SLC9A9: variants seen among roughly 807,000 people sequenced by gnomAD.
SLC9A9 encodes sodium/hydrogen exchanger 9.
In SLC9A9, 62 loss-of-function variants were observed where a neutral mutation model predicts 77.8. That is an observed-to-expected ratio of 0.80 (90% CI 0.65 to 0.98). The LOEUF (loss-of-function observed/expected upper bound fraction) is 0.98, where lower values mean the gene tolerates loss of function less well. Among genes scored for constraint, SLC9A9 ranks in the 50% least tolerant of loss-of-function variants. The probability of loss-of-function intolerance (pLI) is 0.00; values close to 1 mark genes in which losing one functional copy is unlikely to be tolerated. For synonymous variants in SLC9A9, 320 were observed against 283.5 expected (o/e 1.13, Z -1.29); for missense variants, 775 against 774.9 (o/e 1.00, Z 0.00).
chr3:143,846,529 C>G (rs989666922), intron 1 of SLC9A9, among the ~76,000 whole-genome samples: 3 of 150,410 alleles, frequency 2.0e-5, no homozygotes, highest in African/African-American at 7.3e-5. Context: ...TTTTTTTTCT[C>G]TTAAATGAGA....
intron 4 of SLC9A9, among the ~76,000 whole-genome samples, chr3:143,758,589 G>GAAGACTTGAAGCT: frequency 6.6e-6 from 1 of 152,234 alleles, no homozygotes; most frequent in Admixed American, 6.5e-5. Flanking sequence ...CCAAGGTGGG[G>GAAGACTTGAAGCT]GTAGTGGTGT....
At chr3:143,833,214 T>A (rs1437153903) in intron 1 of SLC9A9, among the ~76,000 whole-genome samples, 5 of 152,162 alleles carry the variant, frequency 3.3e-5, no homozygotes, top group African/African-American at 9.7e-5. Context: ...AACTTCTAAT[T>A]TTGGAGATTT....
Position 143,582,376 on chromosome 3 carries a change from G to A in SLC9A9, c.756-3653C>T, listed in dbSNP as rs77657269. 9.7e-3 allele frequency among the ~76,000 whole-genome samples: 1,474 copies of A among 152,248 alleles called. 19 individuals are homozygous for A. Among genetic ancestry groups the A allele is most frequent in the African/African-American group, 0.033 (1,356 of 41,532 alleles). ...TTAGATATATCTTGTGGATTAAGTC[G>A]TTCCTTGAGTACTTATATGTACACT... On this transcript the variant is annotated intron_variant, in intron 6 of 15. Coordinates refer to ENST00000316549, the MANE Select transcript of SLC9A9 (RefSeq NM_173653.4).
intron 9 of SLC9A9, among the ~76,000 whole-genome samples, chr3:143,530,135 A>T (rs958516460): frequency 1.3e-5 from 2 of 152,236 alleles, no homozygotes; most frequent in Non-Finnish European, 2.9e-5. Context: ...GCTGTGGCTA[A>T]CAAGTGGCTA....
intron 9 of SLC9A9, among the ~76,000 whole-genome samples, chr3:143,507,271 G>A (rs1052404165): frequency 5.9e-5 from 9 of 151,886 alleles, no homozygotes; most frequent in South Asian, 4.2e-4. Context: ...GCAGTGGCGC[G>A]ATCTCTGCTC....
chr3:143,656,415 G>C (rs190112357), intron 5 of SLC9A9, among the ~76,000 whole-genome samples: 1 of 151,916 alleles, frequency 6.6e-6, no homozygotes, highest in Non-Finnish European at 1.5e-5. Flanking sequence ...ATCTCAATGT[G>C]TTTACTCTTA....
At chr3:143,575,931 A>G (rs2037350578) in intron 7 of SLC9A9, among the ~76,000 whole-genome samples, 1 of 152,076 alleles carries the variant, frequency 6.6e-6, no homozygotes, top group African/African-American at 2.4e-5. Context: ...AAGACCACCA[A>G]ATACTGCACG....
In SLC9A9 at chr3:143,529,938, C is replaced by T. The variant is rs77191709; in HGVS notation, c.1089+22424G>A. ...AGAAGCCACTCCTATGACTCTAGGA[C>T]GGAAGAATGAGAATGAGGAAACTGG... On this transcript the variant is annotated intron_variant, in intron 9 of 15. Coordinates refer to ENST00000316549, the MANE Select transcript of SLC9A9 (RefSeq NM_173653.4). Among the ~76,000 whole-genome samples the T allele has an allele frequency of 3.6e-3, 554 of 152,148 alleles. 4 individuals carry two copies. The highest frequency in any genetic ancestry group is 9.5e-3 in the African/African-American group (395 of 41,506).
chr3:143,585,556 C>G (rs985909586), intron 6 of SLC9A9, among the ~76,000 whole-genome samples: 4 of 152,206 alleles, frequency 2.6e-5, no homozygotes, highest in Non-Finnish European at 5.9e-5. Flanking sequence ...CCACTGTGGG[C>G]ACATGTCATT....
intron 14 of SLC9A9, among the ~76,000 whole-genome samples, chr3:143,332,524 A>C (rs1444372154): frequency 1.3e-5 from 2 of 152,230 alleles, no homozygotes; most frequent in East Asian, 3.8e-4. Context: ...GAAACTGTTT[A>C]ATAGTTCAAG....
At chr3:143,560,906 C>T (rs543220205) in intron 8 of SLC9A9, among the ~76,000 whole-genome samples, 8 of 152,312 alleles carry the variant, frequency 5.3e-5, no homozygotes, top group African/African-American at 1.7e-4. Flanking sequence ...TGAGGCCAAA[C>T]GCGGTGGCTC....
rs552425129 is a variant in SLC9A9 at position 143,651,538 on chromosome 3, T to C, written c.755+717A>G. On this transcript the variant is annotated intron_variant, in intron 6 of 15. Transcript: ENST00000316549. Reference sequence around the variant, plus strand: ...ACATTGAATTATCAGATATTGACTTTCCTTTGGGATATCTGACAGTTGCCC... The same window carrying C: ...ACATTGAATTATCAGATATTGACTTCCCTTTGGGATATCTGACAGTTGCCC... 3.9e-5 allele frequency among the ~76,000 whole-genome samples: 6 copies of C among 152,356 alleles called. No individual in the cohort carries two copies. The South Asian group carries it at 1.2e-3, about 32-fold the overall frequency.
chr3:143,534,250 A>C (rs1195939692), intron 9 of SLC9A9, among the ~76,000 whole-genome samples: 1 of 152,258 alleles, frequency 6.6e-6, no homozygotes, highest in Non-Finnish European at 1.5e-5. Flanking sequence ...TTGAAAATAA[A>C]TTCTAAAATG....
intron 12 of SLC9A9, among the ~76,000 whole-genome samples, chr3:143,449,036 TAA>T (rs1209353673): frequency 2.6e-5 from 1 of 38,058 alleles, no homozygotes; most frequent in South Asian, 1.0e-3. Context: ...TATAATTATA[TAA>T]AATATAATTA....
intron 9 of SLC9A9, among the ~76,000 whole-genome samples, chr3:143,506,767 TA>T (rs2036025334): frequency 6.6e-6 from 1 of 152,038 alleles, no homozygotes; most frequent in Admixed American, 6.6e-5. Context: ...TCAGTAAATC[TA>T]ATAGTACTGG....
chr3:143,431,981 CT>C (rs2034526193), intron 12 of SLC9A9, among the ~76,000 whole-genome samples: 2 of 152,190 alleles, frequency 1.3e-5, no homozygotes. Flanking sequence ...GTGAGGCCTA[CT>C]TGGACTACCT....
At chr3:143,473,914 C>T (rs1027725109) in intron 11 of SLC9A9, among the ~76,000 whole-genome samples, 53 of 152,244 alleles carry the variant, frequency 3.5e-4, no homozygotes, top group Admixed American at 9.2e-4. Context: ...GTGATAGTGG[C>T]AAACAAGACC....
intron 12 of SLC9A9, among the ~76,000 whole-genome samples, chr3:143,448,606 C>A (rs563222192): frequency 1.8e-4 from 28 of 151,750 alleles, no homozygotes; most frequent in African/African-American, 6.3e-4. Context: ...GTTAATTCAA[C>A]CTTGTTGGAA....
chr3:143,301,997 G>C (rs1384504387), intron 14 of SLC9A9, among the ~76,000 whole-genome samples: 1 of 152,220 alleles, frequency 6.6e-6, no homozygotes, highest in Non-Finnish European at 1.5e-5. Context: ...ATCTCAACTT[G>C]TCCTCCTTCA....
Sources: allele counts gnomAD v4.1 joint callset (sites outside exome capture counted in the v4.1 genomes callset), GRCh38; gene constraint gnomAD v4.1.1; transcripts MANE v1.5; gene names NCBI Gene and HGNC (gene_info 2026-07-23, HGNC 2026-07-21).